STRA8: variants seen among roughly 807,000 people sequenced by gnomAD.
STRA8 encodes the protein stimulated by retinoic acid 8, also known as stimulated by retinoic acid gene 8 protein homolog.
STRA8 carries 18 observed loss-of-function variants against 37.1 expected under a neutral mutation model. The observed-to-expected ratio is 0.48, with a 90% CI of 0.34 to 0.72. STRA8 has a LOEUF of 0.72. Ranked by LOEUF, STRA8 falls within the 30% of genes least tolerant of loss-of-function variation. The probability of loss-of-function intolerance (pLI) is 0.01; values close to 1 mark genes in which losing one functional copy is unlikely to be tolerated. For synonymous variants in STRA8, 168 were observed against 162.9 expected, an observed-to-expected ratio of 1.03 and a Z score of -0.24; for missense variants, 357 against 410.4, an observed-to-expected ratio of 0.87 and a Z score of 1.13.
Position 135,246,818 on chromosome 7 carries a change from CCAAGG to C in STRA8, c.879+117_879+121del. On this transcript the variant is annotated intron_variant, in intron 6 of 8. Coordinates refer to ENST00000662584, the MANE Select transcript of STRA8 (RefSeq NM_001394401.1). This position sits in a 1 kb window ranked among gnomAD's most constrained non-coding sequence, Gnocchi z 5.4. ...GGAGGTGCAGTTTGCCTTCTGGCTCCCAAGGTCGGTTTCTGATTTTCTTTTTTCTC... is the reference window on the plus strand; with the variant it reads ...GGAGGTGCAGTTTGCCTTCTGGCTCCTCGGTTTCTGATTTTCTTTTTTCTC... 9.0e-7 allele frequency: 1 copy of C among 1,110,480 alleles called. No homozygotes were observed. Among genetic ancestry groups the C allele is most frequent in the Non-Finnish European group, 1.2e-6 (1 of 816,524 alleles). The allele number at this position is 1,110,480 out of a possible 1,614,324, so 68.8% of individuals were successfully genotyped here.
intron 6 of STRA8, among the ~76,000 whole-genome samples, chr7:135,251,378 G>A (rs1832631304): frequency 6.6e-6 from 1 of 152,166 alleles, no homozygotes; most frequent in African/African-American, 2.4e-5. Context: ...CTGACCCTCT[G>A]GATTCAGCTG....
chr7:135,249,445 G>A (rs563434601), intron 6 of STRA8, among the ~76,000 whole-genome samples: 6 of 152,254 alleles, frequency 3.9e-5, no homozygotes, highest in Admixed American at 1.3e-4. Flanking sequence ...TTAGCTGGGC[G>A]TGGTGGCGAG....
In STRA8 at chr7:135,258,599, A is replaced by G; in HGVS notation, c.*107A>G. The stretch of plus-strand genomic sequence containing the variant: ...TGCCTTGGCCTCCAGGACTCTTTGG[A>G]GTGGGTTGTTCCAGAAGCATTTTGA... On this transcript the variant is annotated 3_prime_UTR_variant, in exon 9 of 9. Transcript: ENST00000662584. The G allele has an allele frequency of 2.4e-6, 2 of 829,508 alleles. No homozygotes were observed. Among genetic ancestry groups the G allele is most frequent in the South Asian group, 1.7e-5 (1 of 59,330 alleles). The allele number at this position is 829,508 out of a possible 1,614,324, so 51.4% of individuals were successfully genotyped here.
chr7:135,240,836 C>A, intron 2 of STRA8, 120 bp downstream of exon 2: 1 of 1,065,810 alleles, frequency 9.4e-7, no homozygotes, highest in Non-Finnish European at 1.4e-6. Flanking sequence ...GCTGGGGTAG[C>A]GACAAATGCC....
At chr7:135,245,191 A>T (rs1447503670) in intron 4 of STRA8, 97 bp from the exon 5 acceptor site, 1 of 753,570 alleles carries the variant, frequency 1.3e-6, no homozygotes, top group African/African-American at 1.7e-5. Context: ...ACACACATAC[A>T]TATACATGTA....
At chr7:135,232,185 CTG>C, upstream of STRA8, 1 of 764,298 alleles carries the variant, frequency 1.3e-6, no homozygotes, top group Non-Finnish European at 2.3e-6. Context: ...CCAAACCACT[CTG>C]TGTCATCTTG....
At chr7:135,243,540 C>A in intron 4 of STRA8, 130 bp downstream of exon 4, 1 of 684,342 alleles carries the variant, frequency 1.5e-6, no homozygotes, top group Non-Finnish European at 2.4e-6. Flanking sequence ...CCATTCAAAA[C>A]AGCCATATGC....
chr7:135,234,192 C>T (rs966510536), intron 1 of STRA8, among the ~76,000 whole-genome samples: 15 of 151,964 alleles, frequency 9.9e-5, no homozygotes, highest in South Asian at 2.1e-4. Flanking sequence ...CTGCAACCTC[C>T]GCCTCCCGGG....
intron 1 of STRA8, among the ~76,000 whole-genome samples, chr7:135,235,504 C>T (rs1160932714): frequency 1.3e-5 from 2 of 149,348 alleles, no homozygotes; most frequent in Non-Finnish European, 3.0e-5. Context: ...TCCAGTGGCA[C>T]GATCTCAGCT....
chr7:135,238,870 T>G (rs1264088260), intron 1 of STRA8, among the ~76,000 whole-genome samples: 1 of 152,180 alleles, frequency 6.6e-6, no homozygotes, highest in Non-Finnish European at 1.5e-5. Context: ...GGAGCTGGGC[T>G]TGAGGGGCCT....
At chr7:135,256,432 G>A (rs774296724) in intron 8 of STRA8, among the ~76,000 whole-genome samples, 12 of 152,148 alleles carry the variant, frequency 7.9e-5, no homozygotes, top group African/African-American at 1.4e-4. Flanking sequence ...GAGAATAGAC[G>A]AAAAGGACAA....
At chr7:135,250,403 C>T (rs1394279513) in intron 6 of STRA8, among the ~76,000 whole-genome samples, 3 of 152,190 alleles carry the variant, frequency 2.0e-5, no homozygotes, top group South Asian at 2.1e-4. Flanking sequence ...CTGATGGACA[C>T]TGAAGCACAG....
At chr7:135,236,191 C>T (rs74784444) in intron 1 of STRA8, among the ~76,000 whole-genome samples, 154 of 151,858 alleles carry the variant, frequency 1.0e-3, no homozygotes, top group East Asian at 9.9e-3. Context: ...GAGGCTGACG[C>T]GGGAGGTTCA....
rs1205175432 is a variant in STRA8 at position 135,246,477 on chromosome 7, G to A, written c.654G>A (p.Pro218=). 1.1e-5 allele frequency: 18 copies of A among 1,588,544 alleles called. No individual in the cohort carries two copies. Among genetic ancestry groups the A allele is most frequent in the Non-Finnish European group, 1.2e-5 (14 of 1,166,800 alleles). Residue 218 remains proline (P), a synonymous_variant, in exon 6 of 9, where the codon CCG becomes CCA. Coordinates refer to ENST00000662584, the MANE Select transcript of STRA8 (RefSeq NM_001394401.1). This position sits in a 1 kb window ranked among gnomAD's most constrained non-coding sequence, Gnocchi z 5.4. ...DLLTGSGIIT[P]QEAALPIVSA... ...TGACTGGCAGCGGGATCATTACCCC[G>A]CAGGAGGCGGCGCTGCCCATCGTCT... is the stretch of plus-strand genomic sequence containing the variant.
intron 7 of STRA8, among the ~76,000 whole-genome samples, chr7:135,252,940 T>A (rs958964437): frequency 1.3e-5 from 2 of 150,044 alleles, no homozygotes; most frequent in African/African-American, 5.0e-5. Flanking sequence ...TTAAAAAAAT[T>A]TTTTTTTTTT....
Position 135,258,432 on chromosome 7 carries a change from C to G in STRA8, c.1080C>G (p.Pro360=). 6.2e-7 allele frequency: 1 copy of G among 1,605,374 alleles called. No individual in the cohort carries two copies. The highest frequency in any genetic ancestry group is 8.5e-7 in the Non-Finnish European group (1 of 1,175,766). The change falls in exon 9 of 9, where the codon CCC becomes CCG. Residue 360 remains proline, a synonymous_variant. Transcript: ENST00000662584. ...NTQVKQEASF[P]VDEEMIMLQC... ...GTGTCTTGCAGGAAGCATCCTTTCC[C>G]GTTGATGAAGAGATGATCATGTTGC...
chr7:135,251,213 C>T (rs1037192764), intron 6 of STRA8, among the ~76,000 whole-genome samples: 1 of 152,204 alleles, frequency 6.6e-6, no homozygotes, highest in Non-Finnish European at 1.5e-5. Context: ...CATTATCTTA[C>T]TTAATTCTTG....
intron 1 of STRA8, among the ~76,000 whole-genome samples, chr7:135,238,025 T>A (rs1002779232): frequency 6.6e-6 from 1 of 152,278 alleles, no homozygotes; most frequent in Non-Finnish European, 1.5e-5. Flanking sequence ...GTGCGGATCA[T>A]ACATAGCACA....
intron 7 of STRA8, 150 bp downstream of exon 7, chr7:135,252,019 T>A (rs1373503924): frequency 1.0e-4 from 67 of 659,524 alleles, no homozygotes; most frequent in South Asian, 9.3e-4. Context: ...AGAGAGTGTG[T>A]GTGTGTGTGT....
Sources: gnomAD v4.1 joint callset for allele counts (sites outside exome capture counted in the v4.1 genomes callset) on GRCh38, gnomAD v4.1.1 for gene constraint, Gnocchi (gnomAD v3.1) non-coding constraint, MANE v1.5 for transcripts, NCBI Gene and HGNC (gene_info 2026-07-23, HGNC 2026-07-21) for gene names.